RASAL2: variants seen among roughly 807,000 people sequenced by gnomAD.
RASAL2 encodes ras GTPase-activating protein nGAP.
RASAL2 carries 58 observed loss-of-function variants against 128.9 expected under a neutral mutation model. That is an observed-to-expected ratio of 0.45 (90% CI 0.36 to 0.56). The LOEUF is 0.56. Among genes scored for constraint, RASAL2 ranks in the 20% least tolerant of loss-of-function variants. RASAL2 has a pLI of 0.00. For missense variants in RASAL2, 1,360 were observed against 1,601.6 expected (o/e 0.85, Z 2.57); for synonymous variants, 561 against 580.8 (o/e 0.97, Z 0.49).
intron 4 of RASAL2, among the ~76,000 whole-genome samples, chr1:178,392,282 A>G (rs77264367): frequency 0.028 from 4,238 of 152,284 alleles, 76 homozygotes; most frequent in Non-Finnish European, 0.042. Flanking sequence ...CAGAGTTTCA[A>G]AGTCTGAAAG....
chr1:178,304,266 A>G (rs923228258), intron 3 of RASAL2, among the ~76,000 whole-genome samples: 1 of 152,100 alleles, frequency 6.6e-6, no homozygotes. Context: ...GCTCACACCT[A>G]TAATCCCAGC....
chr1:178,393,958 A>G (rs564083718), intron 4 of RASAL2, among the ~76,000 whole-genome samples: 1 of 152,366 alleles, frequency 6.6e-6, no homozygotes, highest in Admixed American at 6.5e-5. Context: ...TACATTTAAT[A>G]AACATTTAAT....
rs981639892 is a variant in RASAL2, at chr1:178,475,449, A to G, written c.*2210A>G. 3 of 152,354 alleles carry G rather than the reference A, an allele frequency of 2.0e-5. No homozygotes were observed. In the South Asian group the frequency reaches 6.2e-4, roughly 32 times the overall value. The allele number at this position is 152,354 out of a possible 1,614,324, so 9.4% of individuals were successfully genotyped here. On this transcript the variant is annotated 3_prime_UTR_variant, in exon 18 of 18. Transcript: ENST00000367649. The stretch of plus-strand genomic sequence containing the variant: ...CATAGATTTGTTCTTGTTTCTGGCT[A>G]TTCTCAGCTCAAGCCATGTTTAATT...
At chr1:178,146,295 T>C (rs1660728605) in intron 1 of RASAL2, among the ~76,000 whole-genome samples, 1 of 152,252 alleles carries the variant, frequency 6.6e-6, no homozygotes, top group South Asian at 2.1e-4. Context: ...ACTTGTTATA[T>C]TCAAGCTCTG....
At chr1:178,394,099 A>G (rs1048362813) in intron 4 of RASAL2, among the ~76,000 whole-genome samples, 1 of 152,178 alleles carries the variant, frequency 6.6e-6, no homozygotes, top group African/African-American at 2.4e-5. Context: ...TATGTTGGTA[A>G]CTGAAACTAG....
At chr1:178,272,035 C>T (rs1474775716) in intron 1 of RASAL2, among the ~76,000 whole-genome samples, 2 of 152,122 alleles carry the variant, frequency 1.3e-5, no homozygotes, top group Admixed American at 1.3e-4. Flanking sequence ...AAGTCTATTG[C>T]TTGTTGAATG....
At position 178,432,290 on chromosome 1, in the gene RASAL2, CTT is replaced by C. The variant is rs769137135; in HGVS notation, c.675-7129_675-7128del. On this transcript the variant is annotated intron_variant, in intron 5 of 17. Transcript: ENST00000367649. ...CCCATTGAAATCTTATTTTTGTCCT[CTT>C]TTCTGAAACTGCTCTTGCCAAAGTC... is the stretch of plus-strand genomic sequence containing the variant. Among the ~76,000 whole-genome samples, 11 of 152,068 alleles carry C rather than the reference CTT, an allele frequency of 7.2e-5. 1 individual carries two copies. In the East Asian group the frequency reaches 1.5e-3, roughly 21 times the overall value.
At chr1:178,318,982 A>G (rs866826855) in intron 3 of RASAL2, among the ~76,000 whole-genome samples, 1 of 152,286 alleles carries the variant, frequency 6.6e-6, no homozygotes, top group Non-Finnish European at 1.5e-5. Flanking sequence ...CTTTTAGGGC[A>G]GACCTGGTGG....
At chr1:178,155,259 A>G (rs116128547) in intron 1 of RASAL2, among the ~76,000 whole-genome samples, 9,219 of 152,238 alleles carry the variant, frequency 0.061, 363 homozygotes, top group Middle Eastern at 0.092. Flanking sequence ...AAATTCTTGG[A>G]CATACATATC....
intron 4 of RASAL2, among the ~76,000 whole-genome samples, chr1:178,405,501 CAG>C (rs1237813314): frequency 6.6e-6 from 1 of 152,180 alleles, no homozygotes; most frequent in Non-Finnish European, 1.5e-5. Flanking sequence ...TGGATCCAGT[CAG>C]ATCACGAGAC....
chr1:178,423,333 T>A (rs1004821270), intron 5 of RASAL2, among the ~76,000 whole-genome samples: 1 of 152,134 alleles, frequency 6.6e-6, no homozygotes, highest in Admixed American at 6.5e-5. Context: ...GTATAGAGTA[T>A]GTATGTTATC....
At chr1:178,189,407 A>G (rs2101944196) in intron 1 of RASAL2, among the ~76,000 whole-genome samples, 1 of 152,320 alleles carries the variant, frequency 6.6e-6, no homozygotes, top group Middle Eastern at 3.4e-3. Context: ...AGAAAGACCA[A>G]AGTAAACCAG....
rs182373341 is a variant in RASAL2, at chr1:178,303,887, G to A, written c.457+3769G>A. On this transcript the variant is annotated intron_variant, in intron 3 of 17. Coordinates refer to ENST00000367649, the MANE Select transcript of RASAL2 (RefSeq NM_170692.4). ...TCCGTTTATATCAAGTTCCAAAACC[G>A]TTAAAACTAATCTATGGTGTTAGTT... is the stretch of plus-strand genomic sequence containing the variant. Among the ~76,000 whole-genome samples, 53 of 152,140 alleles carry A rather than the reference G, an allele frequency of 3.5e-4. No individual in the cohort carries two copies. The East Asian group carries it at 9.1e-3, about 26-fold the overall frequency.
chr1:178,101,708 A>C (rs535331767), intron 1 of RASAL2, among the ~76,000 whole-genome samples: 4 of 152,354 alleles, frequency 2.6e-5, no homozygotes, highest in African/African-American at 9.6e-5. Flanking sequence ...CAGGAAGTTT[A>C]GCTTATTCCC....
chr1:178,129,251 T>A (rs1660009832), intron 1 of RASAL2, among the ~76,000 whole-genome samples: 1 of 152,108 alleles, frequency 6.6e-6, no homozygotes, highest in Non-Finnish European at 1.5e-5. Context: ...CAACACTTAT[T>A]TTTCTGTTAC....
At chr1:178,150,592 A>G (rs1390368957) in intron 1 of RASAL2, among the ~76,000 whole-genome samples, 1 of 152,246 alleles carries the variant, frequency 6.6e-6, no homozygotes, top group Admixed American at 6.5e-5. Context: ...ATTTAATTCA[A>G]GTATTTCAAT....
At chr1:178,132,851 C>G (rs1012331441) in intron 1 of RASAL2, among the ~76,000 whole-genome samples, 1 of 150,772 alleles carries the variant, frequency 6.6e-6, no homozygotes, top group African/African-American at 2.5e-5. Flanking sequence ...TTACTGCAAC[C>G]TCTGCCTCCC....
chr1:178,371,345 C>A (rs1461878069), intron 3 of RASAL2, among the ~76,000 whole-genome samples: 1 of 145,884 alleles, frequency 6.9e-6, no homozygotes, highest in Admixed American at 6.7e-5. Context: ...CACACACACA[C>A]ACACACAAAT....
At chr1:178,147,858 T>C (rs148886852) in intron 1 of RASAL2, among the ~76,000 whole-genome samples, 1,834 of 152,160 alleles carry the variant, frequency 0.012, 32 homozygotes, top group African/African-American at 0.038. Flanking sequence ...TCACCTGAGG[T>C]CAGGGGTTCG....
Sources: allele counts gnomAD v4.1 joint callset (sites outside exome capture counted in the v4.1 genomes callset), GRCh38; gene constraint gnomAD v4.1.1; transcripts MANE v1.5; gene names NCBI Gene and HGNC (gene_info 2026-07-23, HGNC 2026-07-21).